Variants in ADCY4 observed in about 807,000 individuals in gnomAD.
ADCY4 encodes the protein adenylate cyclase 4.
Under a neutral mutation model 125.5 loss-of-function variants are expected in ADCY4, and 111 were observed. The ratio of observed to expected loss-of-function variants is 0.88; its 90% confidence interval spans 0.76 to 1.04. The LOEUF (loss-of-function observed/expected upper bound fraction) is 1.04, where lower values mean the gene tolerates loss of function less well. Among genes scored for constraint, ADCY4 ranks in the 50% least tolerant of loss-of-function variants. ADCY4 has a pLI of 0.00. For missense variants in ADCY4, 1,256 were observed against 1,382.9 expected (o/e 0.91, Z 1.46); for synonymous variants, 576 against 586.9 (o/e 0.98, Z 0.27).
rs3078135 is a variant in ADCY4 at position 24,326,896 on chromosome 14, A to ATTTTTTTTTTTTTTTTTTTT, written c.1525-555_1525-554insAAAAAAAAAAAAAAAAAAAA. On this transcript the variant is annotated intron_variant, in intron 10 of 24. Transcript: ENST00000418030. ...GGCATGAGCCACCGTACCTGGCTGG[A>ATTTTTTTTTTTTTTTTTTTT]TTTTTTTTTTTTTTTTTGCAACGGA... Among the ~76,000 whole-genome samples, 25 of 109,918 alleles carry ATTTTTTTTTTTTTTTTTTTT rather than the reference A, an allele frequency of 2.3e-4. 3 individuals carry two copies. Among genetic ancestry groups the ATTTTTTTTTTTTTTTTTTTT allele is most frequent in the African/African-American group, 9.3e-4 (24 of 25,752 alleles). The allele number at this position is 109,918 out of a possible 152,430, so 72.1% of individuals were successfully genotyped here. A position where few individuals can be genotyped will look rare whatever the true frequency, so the allele number is the denominator to read the frequency against.
chr14:24,328,862 AG>A (rs2041993787), intron 10 of ADCY4, 198 bp downstream of exon 10: 2 of 648,672 alleles, frequency 3.1e-6, no homozygotes, highest in Admixed American at 5.9e-5. Flanking sequence ...GGTGAGCTGG[AG>A]GGCTCTTTCT....
chr14:24,324,446 T>C, intron 14 of ADCY4, 55 bp from the exon 15 acceptor site: 1 of 1,545,660 alleles, frequency 6.5e-7, no homozygotes, highest in South Asian at 1.1e-5. Flanking sequence ...CCCTGTGTGC[T>C]ATGAAGGTGC....
chr14:24,329,130 C>T lies in ADCY4; in HGVS notation c.1455G>A (p.Trp485Ter), dbSNP rs777343475. 1.2e-6 allele frequency: 2 copies of T among 1,613,800 alleles called. No homozygotes were observed. Among genetic ancestry groups the T allele is most frequent in the Non-Finnish European group, 1.7e-6 (2 of 1,179,926 alleles). ...GGTGGGCAAAAGGCTTGGCTGCGCC[C>T]CAGGACTCCAGGTAACGGGTCATCA... is the stretch of plus-strand genomic sequence containing the variant. ...SLLMTRYLES[W>*]GAAKPFAHLS... Residue 485 changes from tryptophan to a stop codon, truncating the protein, a stop_gained, in exon 10 of 25, where the codon TGG (tryptophan) becomes TGA (stop). Coordinates refer to ENST00000418030, the MANE Select transcript of ADCY4 (RefSeq NM_001198568.2). LOFTEE classifies it high-confidence loss of function.
In ADCY4 at chr14:24,326,154, G is replaced by C. The variant is rs746621028; in HGVS notation, c.1580C>G (p.Pro527Arg). ...GTCCAGTTCATCATCTAGTCCCCGG[G>C]GGGTACGGCTCCTGCACAGTGAGAG... ...TQWSLDRSRT[P>R]RGLDDELDTG... is the part of the protein sequence containing the mutation. The change falls in exon 12 of 25, where the codon CCC (proline) becomes CGC (arginine). Residue 527 changes from proline (P) to arginine (R), a missense_variant. Physicochemically the swap from Pro to Arg is moderately radical, Grantham distance 103. Transcript: ENST00000418030. The C allele has an allele frequency of 1.1e-5, 17 of 1,597,186 alleles. No homozygotes were observed. In the South Asian group the frequency reaches 1.3e-4, roughly 13 times the overall value.
Position 24,322,039 on chromosome 14 carries a change from CTCAGGAGTCAGGGGG to C in ADCY4, c.2586+12_2586+26del. 1 of 1,594,104 alleles carries C rather than the reference CTCAGGAGTCAGGGGG, an allele frequency of 6.3e-7. No individual in the cohort carries two copies. Among genetic ancestry groups the C allele is most frequent in the Non-Finnish European group, 8.6e-7 (1 of 1,165,904 alleles). ...AAATTAGGCCCTATGGCATCCGTGG[CTCAGGAGTCAGGGGG>C]TCAGGAGTCACCTCGTTGCGCCGGT... On this transcript the variant is annotated intron_variant, in intron 20 of 24. Coordinates refer to ENST00000418030, the MANE Select transcript of ADCY4 (RefSeq NM_001198568.2).
rs770539943 is a variant in ADCY4 at position 24,329,942 on chromosome 14, T to C, written c.1135A>G (p.Ile379Val). The change falls in exon 8 of 25, where the codon ATC becomes GTC. Residue 379 changes from isoleucine (I) to valine (V), a missense_variant. Coordinates refer to ENST00000418030, the MANE Select transcript of ADCY4 (RefSeq NM_001198568.2). ...VHSGSVLCGV[I>V]GLQKWQYDVW... is the part of the protein sequence containing the mutation. Reference sequence around the variant, plus strand: ...TCGTACTGCCACTTCTGCAGCCCGATGACTCCACACAGTACGCTGCCTGAG... The same window carrying C: ...TCGTACTGCCACTTCTGCAGCCCGACGACTCCACACAGTACGCTGCCTGAG... 3 of 1,613,996 alleles carry C rather than the reference T, an allele frequency of 1.9e-6. No homozygotes were observed. The highest frequency in any genetic ancestry group is 2.5e-6 in the Non-Finnish European group (3 of 1,180,008).
At position 24,319,964 on chromosome 14, in the gene ADCY4, C is replaced by T. The variant is rs1380650352; in HGVS notation, c.2587-76G>A. 4 of 1,524,432 alleles carry T rather than the reference C, an allele frequency of 2.6e-6. No individual in the cohort carries two copies. The highest frequency in any genetic ancestry group is 3.6e-6 in the Non-Finnish European group (4 of 1,125,890). 94.4% of individuals were successfully genotyped at this position (1,524,432 alleles called of 1,614,324 possible). A position where few individuals can be genotyped will look rare whatever the true frequency, so the allele number is the denominator to read the frequency against. Reference sequence around the variant, plus strand: ...TTCTAGAGGTCTGCGTGGGGCCCTCCTCCCCATGTCCACACTCCTGGTCTC... The same window carrying T: ...TTCTAGAGGTCTGCGTGGGGCCCTCTTCCCCATGTCCACACTCCTGGTCTC... On this transcript the variant is annotated intron_variant, in intron 20 of 24. Transcript: ENST00000418030. This position sits in a 1 kb window ranked among gnomAD's most constrained non-coding sequence, Gnocchi z 4.5.
In ADCY4 at chr14:24,319,595, G is replaced by A; in HGVS notation, c.2733+147C>T. 1 of 1,218,874 alleles carries A rather than the reference G, an allele frequency of 8.2e-7. No individual in the cohort carries two copies. The highest frequency in any genetic ancestry group is 1.2e-6 in the Non-Finnish European group (1 of 847,670). 75.5% of individuals were successfully genotyped at this position (1,218,874 alleles called of 1,614,324 possible). A position where few individuals can be genotyped will look rare whatever the true frequency, so the allele number is the denominator to read the frequency against. ...TGGTGGTGGGCAGTGTTGCTGGAGTGGGTAGATCTGGGGGATCAGAGGAGG... is the reference window on the plus strand; with the variant it reads ...TGGTGGTGGGCAGTGTTGCTGGAGTAGGTAGATCTGGGGGATCAGAGGAGG... On this transcript the variant is annotated intron_variant, in intron 21 of 24. Transcript: ENST00000418030. The surrounding 1 kb of genome is among the most constrained non-coding windows in gnomAD (Gnocchi z 4.5).
Position 24,322,922 on chromosome 14 carries a change from A to T in ADCY4, c.2324T>A (p.Leu775Gln). 1 of 1,605,014 alleles carries T rather than the reference A, an allele frequency of 6.2e-7. No homozygotes were observed. The change falls in exon 18 of 25, where the codon CTG (leucine) becomes CAG (glutamine). Residue 775 changes from leucine to glutamine, a missense_variant. By Grantham distance (113) the Leu-to-Gln change is moderately radical. Transcript: ENST00000418030. Reference protein sequence around the residue: ...LSECLIVRLYLGPLDSRPGVL... With the variant: ...LSECLIVRLYQGPLDSRPGVL... ...TGCACACCTGGAGTCCAAGGGGCCC[A>T]GATAGAGGCGGACGATGAGGCATTC...
chr14:24,334,846 G>A lies in ADCY4; in HGVS notation c.-194C>T, dbSNP rs1444505127. On this transcript the variant is annotated 5_prime_UTR_variant, in exon 1 of 25. Transcript: ENST00000418030. ...TCCCAGCCCGCTCCCAGCTGGCGAT[G>A]AGGGGATCCCTCAGTCCTTTCCTCC... 5.2e-6 allele frequency: 3 copies of A among 576,064 alleles called. No individual in the cohort carries two copies. The highest frequency in any genetic ancestry group is 9.2e-6 in the Non-Finnish European group (3 of 327,254). 35.7% of individuals were successfully genotyped at this position (576,064 alleles called of 1,614,324 possible). A position where few individuals can be genotyped will look rare whatever the true frequency, so the allele number is the denominator to read the frequency against.
chr14:24,330,828 TG>T (rs1330532022), intron 6 of ADCY4, 189 bp downstream of exon 6: 1 of 584,874 alleles, frequency 1.7e-6, no homozygotes, highest in African/African-American at 1.9e-5. Context: ...TCTGTAGGTT[TG>T]AGGTGTGTGG....
At chr14:24,321,498 A>T (rs969939928) in intron 20 of ADCY4, among the ~76,000 whole-genome samples, 2 of 140,398 alleles carry the variant, frequency 1.4e-5, no homozygotes, top group African/African-American at 2.6e-5. Flanking sequence ...ACTGTGTCTT[A>T]AAAAAAAAAA....
In ADCY4 at chr14:24,330,991, T is replaced by C. The variant is rs1193518497; in HGVS notation, c.930+27A>G. ...CCAGGATGGGATGTTTGAGGGTCCC[T>C]GGGTGGGGAGGGAAGTCTTCTCTGA... On this transcript the variant is annotated intron_variant, in intron 6 of 24. Coordinates refer to ENST00000418030, the MANE Select transcript of ADCY4 (RefSeq NM_001198568.2). 4.4e-6 allele frequency: 7 copies of C among 1,573,976 alleles called. No homozygotes were observed. The African/African-American group carries it at 9.4e-5, about 21-fold the overall frequency.
At chr14:24,323,307 G>GT in intron 17 of ADCY4, 37 bp downstream of exon 17, 1 of 1,519,976 alleles carries the variant, frequency 6.6e-7, no homozygotes, top group Non-Finnish European at 8.9e-7. Flanking sequence ...GAGGAAGGGT[G>GT]TGCAGAAGGA....
chr14:24,333,438 C>G (rs1044158415), intron 1 of ADCY4, among the ~76,000 whole-genome samples: 9 of 152,126 alleles, frequency 5.9e-5, no homozygotes, highest in South Asian at 4.2e-4. Flanking sequence ...CCAAGTTGCC[C>G]AGGCTGGTCT....
intron 14 of ADCY4, among the ~76,000 whole-genome samples, chr14:24,325,114 A>C (rs1304380734): frequency 1.3e-5 from 2 of 152,066 alleles, no homozygotes; most frequent in African/African-American, 4.8e-5. Flanking sequence ...CTCAATGGAA[A>C]CAAACTGGCC....
chr14:24,323,599 C>T (rs976736814), intron 16 of ADCY4, 145 bp from the exon 17 acceptor site: 1 of 1,457,346 alleles, frequency 6.9e-7, no homozygotes. Context: ...GGGAAGGGAA[C>T]CTCAGCACTG....
At position 24,322,053 on chromosome 14, in the gene ADCY4, G is replaced by A; in HGVS notation, c.2586+13C>T. ...GGCATCCGTGGCTCAGGAGTCAGGG[G>A]GTCAGGAGTCACCTCGTTGCGCCGG... On this transcript the variant is annotated intron_variant, in intron 20 of 24. Transcript: ENST00000418030. 1.2e-6 allele frequency: 2 copies of A among 1,607,004 alleles called. No individual in the cohort carries two copies. Among genetic ancestry groups the A allele is most frequent in the Non-Finnish European group, 1.7e-6 (2 of 1,174,692 alleles).
At position 24,326,210 on chromosome 14, in the gene ADCY4, C is replaced by T. The variant is rs371686168; in HGVS notation, c.1569-45G>A. 68 of 1,612,464 alleles carry T rather than the reference C, an allele frequency of 4.2e-5. 1 individual carries two copies. Among genetic ancestry groups the T allele is most frequent in the East Asian group, 4.0e-4 (18 of 44,818 alleles). Reference sequence around the variant, plus strand: ...TCCATCACCACAGAGACCCTCAGAGCGTCTGGGCAAAGCAGGAGCAGACCC... The same window carrying T: ...TCCATCACCACAGAGACCCTCAGAGTGTCTGGGCAAAGCAGGAGCAGACCC... On this transcript the variant is annotated intron_variant, in intron 11 of 24. Transcript: ENST00000418030.
Sources: gnomAD v4.1 joint callset for allele counts (sites outside exome capture counted in the v4.1 genomes callset) on GRCh38, gnomAD v4.1.1 for gene constraint, Gnocchi (gnomAD v3.1) non-coding constraint, MANE v1.5 for transcripts, NCBI Gene and HGNC (gene_info 2026-07-23, HGNC 2026-07-21) for gene names.